The following ITSN1 variants were observed in gnomAD, a reference collection of about 807,000 sequenced individuals.
ITSN1 encodes the protein intersectin-1.
A neutral mutation model predicts 239.8 loss-of-function variants in ITSN1; 58 were observed. The observed-to-expected ratio is 0.24, with a 90% CI of 0.20 to 0.30. The LOEUF is 0.30. Ranked by LOEUF, ITSN1 falls within the 10% of genes least tolerant of loss-of-function variation. The probability of loss-of-function intolerance (pLI) is 1.00; values close to 1 mark genes in which losing one functional copy is unlikely to be tolerated. For missense variants in ITSN1, 1,558 were observed against 2,103.3 expected, an observed-to-expected ratio of 0.74 and a Z score of 5.07; for synonymous variants, 780 against 770.8, an observed-to-expected ratio of 1.01 and a Z score of -0.20.
chr21:33,831,588 G>A (rs2074298988), intron 27 of ITSN1, among the ~76,000 whole-genome samples: 1 of 152,186 alleles, frequency 6.6e-6, no homozygotes, highest in South Asian at 2.1e-4. Context: ...CTGAGGAATG[G>A]AGGTTGGAAC....
intron 1 of ITSN1, among the ~76,000 whole-genome samples, chr21:33,673,227 T>C (rs964221245): frequency 6.6e-6 from 1 of 152,118 alleles, no homozygotes; most frequent in Non-Finnish European, 1.5e-5. Flanking sequence ...TATGTAAGAA[T>C]AGAGTGGCTG....
At chr21:33,749,454 C>A (rs1176141828) in intron 5 of ITSN1, among the ~76,000 whole-genome samples, 1 of 151,904 alleles carries the variant, frequency 6.6e-6, no homozygotes, top group African/African-American at 2.4e-5. Flanking sequence ...ACCATCCTGG[C>A]CAACATGGTG....
rs1049332197 is a variant in ITSN1, at chr21:33,882,016, G to A, written c.4342-227G>A. On this transcript the variant is annotated intron_variant, in intron 34 of 39. Coordinates refer to ENST00000381318, the MANE Select transcript of ITSN1 (RefSeq NM_003024.3). The surrounding 1 kb of genome is among the most constrained non-coding windows in gnomAD (Gnocchi z 4.5). ...ATAAGACACTGGCATGCTCCTAGAG[G>A]AAAAGCCTTAGAAATTACCATTGAG... is the stretch of plus-strand genomic sequence containing the variant. Among the ~76,000 whole-genome samples, 3 of 151,820 alleles carry A rather than the reference G, an allele frequency of 2.0e-5. No homozygotes were observed.
At chr21:33,709,513 C>T (rs942874776) in intron 1 of ITSN1, among the ~76,000 whole-genome samples, 2 of 152,150 alleles carry the variant, frequency 1.3e-5, no homozygotes, top group Admixed American at 6.6e-5. Flanking sequence ...AACTCCTGTC[C>T]TCAGGTGACT....
intron 1 of ITSN1, among the ~76,000 whole-genome samples, chr21:33,684,814 T>C (rs1467225103): frequency 6.6e-6 from 1 of 152,196 alleles, no homozygotes; most frequent in East Asian, 1.9e-4. Context: ...TGAAGAGTAA[T>C]TGTAATTGTT....
rs538159070 is a variant in ITSN1, at chr21:33,817,583, T to C, written c.2728-684T>C. The C allele has an allele frequency of 6.9e-6, 9 of 1,300,334 alleles. No homozygotes were observed. The South Asian group carries it at 1.1e-4, about 16-fold the overall frequency. The allele number at this position is 1,300,334 out of a possible 1,614,324, so 80.5% of individuals were successfully genotyped here. The stretch of plus-strand genomic sequence containing the variant: ...CTCTGTCTTCCCCATTACTTGTGAA[T>C]TACCTGCTAGTAATACTGCCCATCT... On this transcript the variant is annotated intron_variant, in intron 22 of 39. Coordinates refer to ENST00000381318, the MANE Select transcript of ITSN1 (RefSeq NM_003024.3).
chr21:33,789,745 C>T (rs892057024), intron 16 of ITSN1, among the ~76,000 whole-genome samples: 2 of 152,178 alleles, frequency 1.3e-5, no homozygotes, highest in African/African-American at 4.8e-5. Context: ...GAAACAGTCA[C>T]AGTTATTAAA....
intron 1 of ITSN1, among the ~76,000 whole-genome samples, chr21:33,651,221 G>A (rs1281307458): frequency 6.6e-6 from 1 of 152,242 alleles, no homozygotes; most frequent in Non-Finnish European, 1.5e-5. Flanking sequence ...AAGGAGAGAG[G>A]CCCACTTGGG....
chr21:33,865,165 G>T lies in ITSN1; in HGVS notation c.3905G>T (p.Arg1302Leu). 1 of 1,613,470 alleles carries T rather than the reference G, an allele frequency of 6.2e-7. No individual in the cohort carries two copies. The change falls in exon 32 of 40, where the codon CGC becomes CTC. Residue 1302 changes from arginine to leucine, a missense_variant. By Grantham distance (102) the Arg-to-Leu change is moderately radical. Transcript: ENST00000381318. This position sits in a 1 kb window ranked among gnomAD's most constrained non-coding sequence, Gnocchi z 4.4. ...NIKLLKALRV[R>L]KKMSGEKMPV... ...TTTCCGTGCAGAGCGCTGAGAGTCC[G>T]CAAGAAGATGTCCGGGGAGAAGATG... is the stretch of plus-strand genomic sequence containing the variant.
chr21:33,814,748 C>T (rs2073149880), intron 22 of ITSN1, among the ~76,000 whole-genome samples: 1 of 152,136 alleles, frequency 6.6e-6, no homozygotes, highest in Non-Finnish European at 1.5e-5. Flanking sequence ...GAGCGGTGTG[C>T]AGGAAGATTA....
intron 29 of ITSN1, among the ~76,000 whole-genome samples, chr21:33,848,166 G>A (rs1378707973): frequency 6.6e-6 from 1 of 152,238 alleles, no homozygotes; most frequent in African/African-American, 2.4e-5. Context: ...TTCACACGTT[G>A]AAGCCCAGGA....
At chr21:33,808,119 G>A (rs1338087657) in intron 20 of ITSN1, among the ~76,000 whole-genome samples, 3 of 151,140 alleles carry the variant, frequency 2.0e-5, no homozygotes, top group Admixed American at 6.6e-5. Flanking sequence ...CCCGGGAAGC[G>A]GAGCTTGCAG....
chr21:33,857,002 G>C (rs1043902063), intron 30 of ITSN1, 145 bp downstream of exon 30: 116 of 734,854 alleles, frequency 1.6e-4, no homozygotes, highest in Admixed American at 1.1e-3. Flanking sequence ...AAATGCTATA[G>C]GAGATTGCGA....
At chr21:33,823,730 G>A (rs2073820562) in intron 25 of ITSN1, 77 bp downstream of exon 25, 9 of 1,411,532 alleles carry the variant, frequency 6.4e-6, no homozygotes, top group East Asian at 2.3e-5. Flanking sequence ...GTTTGACAGC[G>A]GAACTTTGTT....
At chr21:33,802,821 A>G (rs1213601465) in intron 20 of ITSN1, among the ~76,000 whole-genome samples, 1 of 152,256 alleles carries the variant, frequency 6.6e-6, no homozygotes, top group Non-Finnish European at 1.5e-5. Flanking sequence ...TGGCTAAGAA[A>G]GGCCTTTTGA....
At chr21:33,742,650 AC>A (rs2066934621) in intron 5 of ITSN1, among the ~76,000 whole-genome samples, 2 of 152,178 alleles carry the variant, frequency 1.3e-5, no homozygotes, top group Admixed American at 1.3e-4. Context: ...GACTGGCCCA[AC>A]AAGCCTTCCT....
intron 1 of ITSN1, among the ~76,000 whole-genome samples, chr21:33,713,678 C>T (rs1162372182): frequency 2.6e-5 from 4 of 152,120 alleles, no homozygotes; most frequent in African/African-American, 9.7e-5. Flanking sequence ...GCATAGAACA[C>T]AAAAGGAGAT....
Position 33,829,640 on chromosome 21 carries a change from T to C in ITSN1, c.3246T>C (p.Ile1082=). 1 of 1,612,326 alleles carries C rather than the reference T, an allele frequency of 6.2e-7. No individual in the cohort carries two copies. The highest frequency in any genetic ancestry group is 8.5e-7 in the Non-Finnish European group (1 of 1,180,002). Residue 1082 remains isoleucine, a synonymous_variant, in exon 27 of 40, where the codon ATT becomes ATC. Transcript: ENST00000381318. ...LGKKPEIAQV[I]ASYTATGPEQ... is the part of the protein sequence containing the mutation. ...GTTTTTCAGAAATTGCCCAGGTTAT[T>C]GCCTCATACACCGCCACCGGCCCCG...
chr21:33,826,022 A>G (rs2073952448), intron 25 of ITSN1, among the ~76,000 whole-genome samples: 1 of 152,242 alleles, frequency 6.6e-6, no homozygotes, highest in Non-Finnish European at 1.5e-5. Context: ...AATTTAGAAT[A>G]AAGTACTTTG....
Sources: gnomAD v4.1 joint callset for allele counts (sites outside exome capture counted in the v4.1 genomes callset) on GRCh38, gnomAD v4.1.1 for gene constraint, Gnocchi (gnomAD v3.1) non-coding constraint, MANE v1.5 for transcripts, NCBI Gene and HGNC (gene_info 2026-07-23, HGNC 2026-07-21) for gene names.